Variants in CMSS1 observed in about 807,000 individuals in gnomAD.
The protein encoded by CMSS1 is protein CMSS1.
A neutral mutation model predicts 43.5 loss-of-function variants in CMSS1; 33 were observed. That is an observed-to-expected ratio of 0.76 (90% CI 0.57 to 1.01). The LOEUF is 1.01. CMSS1 is among the 50% of genes least tolerant of loss of function. The probability of loss-of-function intolerance (pLI) is 0.00; values close to 1 mark genes in which losing one functional copy is unlikely to be tolerated. For synonymous variants in CMSS1, 115 were observed against 117.2 expected, an observed-to-expected ratio of 0.98 and a Z score of 0.12; for missense variants, 313 against 326.4, an observed-to-expected ratio of 0.96 and a Z score of 0.32.
At position 99,903,540 on chromosome 3, in the gene CMSS1, G is replaced by A. The variant is rs373732836; in HGVS notation, c.64+85497G>A. On this transcript the variant is annotated intron_variant, in intron 1 of 9. Coordinates refer to ENST00000421999, the MANE Select transcript of CMSS1 (RefSeq NM_032359.4). ...GCTGGGATTACAGGCGTGAGCCACC[G>A]CGCCCGGCCATGTATGCATGTTTTA... Among the ~76,000 whole-genome samples the A allele has an allele frequency of 4.7e-3, 722 of 152,192 alleles. 6 individuals carry two copies. The highest frequency in any genetic ancestry group is 7.3e-3 in the Non-Finnish European group (498 of 68,016).
intron 1 of CMSS1, chr3:99,848,726 C>T: frequency 1.2e-6 from 2 of 1,614,176 alleles, no homozygotes; most frequent in Non-Finnish European, 1.7e-6. Context: ...GGGGTCTGTG[C>T]TCTGGCAAAG....
chr3:99,951,123 T>A (rs924557109), intron 1 of CMSS1, among the ~76,000 whole-genome samples: 3 of 152,192 alleles, frequency 2.0e-5, no homozygotes, highest in African/African-American at 7.2e-5. Context: ...CATAGGCCTT[T>A]GCCTGTGCTG....
intron 1 of CMSS1, among the ~76,000 whole-genome samples, chr3:100,111,905 A>G (rs2066497379): frequency 6.6e-6 from 1 of 152,212 alleles, no homozygotes; most frequent in Non-Finnish European, 1.5e-5. Context: ...TATGTTGAAC[A>G]ACATGCACAA....
At chr3:100,139,610 T>C (rs1467281652) in intron 1 of CMSS1, among the ~76,000 whole-genome samples, 1 of 146,710 alleles carries the variant, frequency 6.8e-6, no homozygotes, top group East Asian at 2.0e-4. Context: ...TATATGTGTG[T>C]GTGTATATAT....
At chr3:99,886,378 C>T (rs987847468) in intron 1 of CMSS1, among the ~76,000 whole-genome samples, 2 of 149,668 alleles carry the variant, frequency 1.3e-5, no homozygotes. Flanking sequence ...TTGTACCATA[C>T]ATAAAATACA....
At chr3:99,818,185 A>C (rs1576486337) in intron 1 of CMSS1, 142 bp downstream of exon 1, 6 of 707,204 alleles carry the variant, frequency 8.5e-6, no homozygotes, top group Non-Finnish European at 1.2e-5. Flanking sequence ...TCTCGGGGAA[A>C]ATGGTGCAAG....
rs1450188423 is a variant in CMSS1, at chr3:100,172,363, T to C, written c.627T>C (p.Gly209=). ...TGGAGAAGCGTGTGGTGCACCTGGG[T>C]GTAGGAACTCCGGGGAGAATTAAAG... The part of the protein sequence containing the change: ...KLLEKRVVHL[G]VGTPGRIKEL... Residue 209 remains glycine (G), a synonymous_variant, in exon 8 of 10, where the codon GGT becomes GGC. Coordinates refer to ENST00000421999, the MANE Select transcript of CMSS1 (RefSeq NM_032359.4). 6.2e-7 allele frequency: 1 copy of C among 1,613,732 alleles called. No homozygotes were observed. Among genetic ancestry groups the C allele is most frequent in the Non-Finnish European group, 8.5e-7 (1 of 1,179,880 alleles).
chr3:99,941,304 G>A (rs1306464520), intron 1 of CMSS1, among the ~76,000 whole-genome samples: 5 of 152,072 alleles, frequency 3.3e-5, no homozygotes, highest in African/African-American at 1.2e-4. Flanking sequence ...ACAGGTTCAC[G>A]AGTAAATACA....
intron 2 of CMSS1, among the ~76,000 whole-genome samples, chr3:100,156,605 C>A (rs376152240): frequency 1.3e-5 from 2 of 151,582 alleles, no homozygotes; most frequent in Non-Finnish European, 2.9e-5. Context: ...CCACGCGCAG[C>A]CTTTTTGTTT....
chr3:100,115,007 A>T, intron 1 of CMSS1: 1 of 1,487,174 alleles, frequency 6.7e-7, no homozygotes, highest in Non-Finnish European at 9.1e-7. Flanking sequence ...TGGTATGTTT[A>T]TTATTATTAT....
chr3:100,115,532 G>A (rs2066551719), intron 1 of CMSS1, among the ~76,000 whole-genome samples: 1 of 148,286 alleles, frequency 6.7e-6, no homozygotes, highest in Non-Finnish European at 1.5e-5. Flanking sequence ...TTTTACCACT[G>A]GTTGTATTCT....
At chr3:99,903,269 T>TTGG (rs1437136918) in intron 1 of CMSS1, among the ~76,000 whole-genome samples, 1 of 152,028 alleles carries the variant, frequency 6.6e-6, no homozygotes, top group Admixed American at 6.6e-5. Context: ...TTTTTTTTTT[T>TTGG]GAGACGGAAT....
intron 1 of CMSS1, among the ~76,000 whole-genome samples, chr3:99,880,899 T>C (rs1292045164): frequency 2.6e-5 from 4 of 152,070 alleles, no homozygotes; most frequent in Non-Finnish European, 5.9e-5. Flanking sequence ...TGTGTATGTA[T>C]ATTATGTTTC....
At chr3:99,948,395 C>A (rs996547908) in intron 1 of CMSS1, among the ~76,000 whole-genome samples, 1 of 151,678 alleles carries the variant, frequency 6.6e-6, no homozygotes, top group Non-Finnish European at 1.5e-5. Flanking sequence ...AAAATTAGCT[C>A]GGTAGGGTGA....
chr3:99,821,917 G>A (rs1576488526), intron 1 of CMSS1, among the ~76,000 whole-genome samples: 1 of 152,182 alleles, frequency 6.6e-6, no homozygotes, highest in African/African-American at 2.4e-5. Flanking sequence ...GTGGTAGCAG[G>A]CACTTGTAGT....
intron 1 of CMSS1, among the ~76,000 whole-genome samples, chr3:100,006,247 A>G (rs116583983): frequency 1.3e-5 from 2 of 152,016 alleles, no homozygotes; most frequent in Admixed American, 6.6e-5. Flanking sequence ...CCAGCCCTCA[A>G]CTGATCTTTG....
intron 1 of CMSS1, among the ~76,000 whole-genome samples, chr3:100,090,320 A>G (rs1205828267): frequency 6.6e-6 from 1 of 152,232 alleles, no homozygotes; most frequent in South Asian, 2.1e-4. Flanking sequence ...GCTCACTGAA[A>G]ATAATTGAAA....
chr3:99,948,038 A>C (rs1265030875), intron 1 of CMSS1, among the ~76,000 whole-genome samples: 1 of 151,412 alleles, frequency 6.6e-6, no homozygotes, highest in African/African-American at 2.4e-5. Context: ...GTAAGATAAT[A>C]AGTATTTTTT....
chr3:99,960,847 G>A (rs2107702422), intron 1 of CMSS1, among the ~76,000 whole-genome samples: 1 of 152,248 alleles, frequency 6.6e-6, no homozygotes, highest in African/African-American at 2.4e-5. Context: ...ATATTTTTGC[G>A]TTGTTAATAT....
Sources: gnomAD v4.1 joint callset for allele counts (sites outside exome capture counted in the v4.1 genomes callset) on GRCh38, gnomAD v4.1.1 for gene constraint, MANE v1.5 for transcripts, NCBI Gene and HGNC (gene_info 2026-07-23, HGNC 2026-07-21) for gene names.